SCN2A: variants seen among roughly 807,000 people sequenced by gnomAD.
SCN2A encodes sodium channel protein type 2 subunit alpha.
SCN2A carries 20 observed loss-of-function variants against 188.7 expected under a neutral mutation model. The ratio of observed to expected loss-of-function variants is 0.11; its 90% CI spans 0.07 to 0.15. SCN2A has a LOEUF of 0.15. SCN2A is among the 10% of genes least tolerant of loss of function. The pLI, the probability that SCN2A is intolerant of heterozygous loss-of-function variation, is 1.00. For synonymous variants in SCN2A, 804 were observed against 833.1 expected, an observed-to-expected ratio of 0.97 and a Z score of 0.60; for missense variants, 1,278 against 2,445.0, an observed-to-expected ratio of 0.52 and a Z score of 10.07.
intron 11 of SCN2A, among the ~76,000 whole-genome samples, chr2:165,318,645 A>G (rs557689254): frequency 2.6e-5 from 4 of 152,306 alleles, no homozygotes; most frequent in African/African-American, 4.8e-5. Context: ...AAACATGCAA[A>G]CTTATAACTT....
intron 1 of SCN2A, among the ~76,000 whole-genome samples, chr2:165,248,037 T>C (rs1197266252): frequency 6.6e-6 from 1 of 152,120 alleles, no homozygotes; most frequent in Non-Finnish European, 1.5e-5. Flanking sequence ...TTCCTGTTGA[T>C]TTCAACTTCA....
chr2:165,373,549 G>T (rs1390388153), intron 21 of SCN2A, among the ~76,000 whole-genome samples: 1 of 152,064 alleles, frequency 6.6e-6, no homozygotes, highest in Non-Finnish European at 1.5e-5. Context: ...TATTGCCAGA[G>T]GGATTGTTTC....
In SCN2A at chr2:165,312,017, T is replaced by G; in HGVS notation, c.971-8T>G. 1 of 1,605,482 alleles carries G rather than the reference T, an allele frequency of 6.2e-7. No individual in the cohort carries two copies. Among genetic ancestry groups the G allele is most frequent in the Non-Finnish European group, 8.5e-7 (1 of 1,173,164 alleles). On this transcript the variant is annotated splice_polypyrimidine_tract_variant and splice_region_variant and intron_variant, in intron 7 of 26. Coordinates refer to ENST00000375437, the MANE Select transcript of SCN2A (RefSeq NM_001040142.2). ...AATGATTCTTTCTATTCCTTTCTCT[T>G]TAAATAGGTCACTTTTATTTTTTAG...
chr2:165,327,219 A>T (rs1183839990), intron 13 of SCN2A: 1 of 478,614 alleles, frequency 2.1e-6, no homozygotes, highest in Non-Finnish European at 3.8e-6. Context: ...TTTGAACACC[A>T]CTTTCATACA....
Position 165,367,202 on chromosome 2 carries a change from T to G in SCN2A, c.3521-15T>G. On this transcript the variant is annotated splice_polypyrimidine_tract_variant and intron_variant, in intron 18 of 26. Coordinates refer to ENST00000375437, the MANE Select transcript of SCN2A (RefSeq NM_001040142.2). The stretch of plus-strand genomic sequence containing the variant: ...GAGTAATTTTTTGTCTTCATTTTTT[T>G]CCCACATATTTTAGACTGTGTACGG... 2.5e-6 allele frequency: 4 copies of G among 1,613,988 alleles called. No individual in the cohort carries two copies. The highest frequency in any genetic ancestry group is 3.4e-6 in the Non-Finnish European group (4 of 1,179,934).
intron 1 of SCN2A, among the ~76,000 whole-genome samples, chr2:165,259,922 T>C (rs1694498527): frequency 6.9e-6 from 1 of 144,544 alleles, no homozygotes; most frequent in Non-Finnish European, 1.5e-5. Flanking sequence ...CCTGTAGCCC[T>C]AAAAATGGAT....
chr2:165,275,323 T>C (rs1352623545), intron 1 of SCN2A, among the ~76,000 whole-genome samples: 1 of 152,178 alleles, frequency 6.6e-6, no homozygotes, highest in African/African-American at 2.4e-5. Context: ...CTATCTAAAA[T>C]TGCAATACAT....
intron 25 of SCN2A, among the ~76,000 whole-genome samples, chr2:165,384,025 C>G (rs1204954335): frequency 6.6e-6 from 1 of 151,796 alleles, no homozygotes; most frequent in Admixed American, 6.6e-5. Context: ...AGGAAAAGAT[C>G]GAAGACAGAG....
intron 1 of SCN2A, among the ~76,000 whole-genome samples, chr2:165,266,117 A>G (rs943244652): frequency 6.6e-6 from 1 of 152,122 alleles, no homozygotes; most frequent in African/African-American, 2.4e-5. Flanking sequence ...TGATGGTCTA[A>G]TGAACTACGG....
chr2:165,352,090 G>C (rs1164418140), intron 16 of SCN2A, among the ~76,000 whole-genome samples: 1 of 151,958 alleles, frequency 6.6e-6, no homozygotes. Context: ...ATAGACAAAT[G>C]ACAGAACTTT....
intron 16 of SCN2A, among the ~76,000 whole-genome samples, chr2:165,351,340 G>A (rs1211605402): frequency 6.6e-6 from 1 of 152,224 alleles, no homozygotes; most frequent in Non-Finnish European, 1.5e-5. Flanking sequence ...AAAGTCATAT[G>A]TTCCAGGGAT....
chr2:165,324,750 C>T (rs191159975), intron 12 of SCN2A, among the ~76,000 whole-genome samples: 108 of 152,244 alleles, frequency 7.1e-4, no homozygotes, highest in African/African-American at 2.5e-3. Flanking sequence ...GAGGCTTGTG[C>T]GTGGTGGAGC....
At chr2:165,242,780 C>T (rs1022618069) in intron 1 of SCN2A, among the ~76,000 whole-genome samples, 10 of 152,104 alleles carry the variant, frequency 6.6e-5, no homozygotes, top group South Asian at 2.1e-4. Flanking sequence ...ACACCAAGGT[C>T]GTGGAAGAGA....
At chr2:165,386,702 T>G (rs1701893567) in intron 25 of SCN2A, 44 bp from the exon 26 acceptor site, 1 of 1,583,214 alleles carries the variant, frequency 6.3e-7, no homozygotes. Flanking sequence ...AATTCGATTT[T>G]TTTTAAGGTT....
In SCN2A at chr2:165,377,618, G is replaced by T; in HGVS notation, c.4276G>T (p.Asp1426Tyr). 1 of 1,607,354 alleles carries T rather than the reference G, an allele frequency of 6.2e-7. No homozygotes were observed. The highest frequency in any genetic ancestry group is 1.1e-5 in the South Asian group (1 of 89,928). ...ACAGGCCACGTTTAAGGGATGGATG[G>T]ATATTATGTATGCAGCTGTTGATTC... ...LQVATFKGWMDIMYAAVDSRN... is the reference protein window; with the variant it reads ...LQVATFKGWMYIMYAAVDSRN... The change falls in exon 23 of 27, where the codon GAT (aspartate) becomes TAT (tyrosine). Residue 1426 changes from aspartate (D) to tyrosine (Y), a missense_variant. Coordinates refer to ENST00000375437, the MANE Select transcript of SCN2A (RefSeq NM_001040142.2).
At chr2:165,356,797 G>A (rs76356681) in intron 17 of SCN2A, among the ~76,000 whole-genome samples, 1,724 of 152,306 alleles carry the variant, frequency 0.011, 24 homozygotes, top group African/African-American at 0.039. Flanking sequence ...TCTGAAGTAA[G>A]AGGGAAGTCC....
At chr2:165,380,971 T>C (rs1701572652) in intron 24 of SCN2A, 122 bp from the exon 25 acceptor site, 1 of 745,352 alleles carries the variant, frequency 1.3e-6, no homozygotes, top group South Asian at 1.7e-5. Context: ...GGCATCTCTA[T>C]AAATACAGAT....
intron 19 of SCN2A, 96 bp from the exon 20 acceptor site, chr2:165,370,030 C>T (rs1700943474): frequency 9.6e-7 from 1 of 1,036,886 alleles, no homozygotes; most frequent in Non-Finnish European, 1.5e-6. Flanking sequence ...CAGCCTTAGG[C>T]ACCTGATAAG....
At position 165,239,579 on chromosome 2, in the gene SCN2A, G is replaced by T. The variant is rs1693528780; in HGVS notation, c.-113G>T. 6 of 966,510 alleles carry T rather than the reference G, an allele frequency of 6.2e-6. No homozygotes were observed. The highest frequency in any genetic ancestry group is 1.8e-5 in the African/African-American group (1 of 56,812). 59.9% of individuals were successfully genotyped at this position (966,510 alleles called of 1,614,324 possible). Reference sequence around the variant, plus strand: ...AAAAATTCTGAAGAATTGCATTGGAGACTGTTATATTCAACACATACGTGG... The same window carrying T: ...AAAAATTCTGAAGAATTGCATTGGATACTGTTATATTCAACACATACGTGG... On this transcript the variant is annotated 5_prime_UTR_variant, in exon 1 of 27. Coordinates refer to ENST00000375437, the MANE Select transcript of SCN2A (RefSeq NM_001040142.2).
Sources: allele counts gnomAD v4.1 joint callset (sites outside exome capture counted in the v4.1 genomes callset), GRCh38; gene constraint gnomAD v4.1.1; transcripts MANE v1.5; gene names NCBI Gene and HGNC (gene_info 2026-07-23, HGNC 2026-07-21).